Variants in CCNY observed in about 807,000 individuals in gnomAD.
CCNY encodes cyclin Y, also known as cyclin-Y.
CCNY carries 19 observed loss-of-function variants against 42.8 expected under a neutral mutation model. The ratio of observed to expected loss-of-function variants is 0.44; its 90% CI spans 0.31 to 0.65. The LOEUF is 0.65. Among genes scored for constraint, CCNY ranks in the 30% least tolerant of loss-of-function variants. The pLI, the probability that CCNY is intolerant of heterozygous loss-of-function variation, is 0.07. For missense variants in CCNY, 370 were observed against 437.3 expected, an observed-to-expected ratio of 0.85 and a Z score of 1.37; for synonymous variants, 165 against 162.7, an observed-to-expected ratio of 1.01 and a Z score of -0.11.
chr10:35,475,396 G>A (rs1440042545), intron 1 of CCNY, among the ~76,000 whole-genome samples: 8 of 151,914 alleles, frequency 5.3e-5, no homozygotes, highest in Admixed American at 2.0e-4. Flanking sequence ...GAGAAAGGTC[G>A]GGTTACCCTC....
chr10:35,309,185 G>A (rs1835651764), intron 3 of CCNY, among the ~76,000 whole-genome samples: 1 of 152,182 alleles, frequency 6.6e-6, no homozygotes, highest in Non-Finnish European at 1.5e-5. Flanking sequence ...AGGAAAAGTG[G>A]CCACAAAGGG....
At chr10:35,550,147 A>G (rs1373669733) in intron 7 of CCNY, among the ~76,000 whole-genome samples, 14 of 54,316 alleles carry the variant, frequency 2.6e-4, no homozygotes, top group East Asian at 6.7e-4. Flanking sequence ...GCTGCTCATG[A>G]CACATGACCC....
chr10:35,343,224 T>C (rs1342114768), intron 1 of CCNY, among the ~76,000 whole-genome samples: 1 of 151,178 alleles, frequency 6.6e-6, no homozygotes, highest in Non-Finnish European at 1.5e-5. Flanking sequence ...GGCTGGTCCA[T>C]ATGATCCACC....
intron 1 of CCNY, among the ~76,000 whole-genome samples, chr10:35,412,898 C>T (rs1311708817): frequency 3.6e-5 from 5 of 138,598 alleles, no homozygotes; most frequent in East Asian, 2.1e-4. Context: ...AGAATTTGCG[C>T]GGCGGGCAAG....
At chr10:35,558,179 G>T (rs1281800588) in intron 8 of CCNY, among the ~76,000 whole-genome samples, 2 of 152,176 alleles carry the variant, frequency 1.3e-5, no homozygotes, top group African/African-American at 4.8e-5. Context: ...CACATGTTGG[G>T]ATATAGTCCC....
At chr10:35,331,873 A>G (rs1344462387), upstream of CCNY, among the ~76,000 whole-genome samples, 1 of 152,208 alleles carries the variant, frequency 6.6e-6, no homozygotes, top group African/African-American at 2.4e-5. Context: ...CAGTGGCTGT[A>G]ATCACTCTCA....
intron 3 of CCNY, among the ~76,000 whole-genome samples, chr10:35,272,123 ATT>A (rs1835178097): frequency 6.6e-6 from 1 of 152,044 alleles, no homozygotes; most frequent in Admixed American, 6.6e-5. Flanking sequence ...AGTAGCTGGG[ATT>A]ACAGGCATGC....
intron 1 of CCNY, among the ~76,000 whole-genome samples, chr10:35,481,324 A>G (rs1310597403): frequency 6.6e-6 from 1 of 152,196 alleles, no homozygotes; most frequent in Non-Finnish European, 1.5e-5. Context: ...ACATAACAGC[A>G]TAGAACCCCA....
At chr10:35,406,150 G>C (rs1837755601) in intron 1 of CCNY, among the ~76,000 whole-genome samples, 1 of 150,222 alleles carries the variant, frequency 6.7e-6, no homozygotes, top group East Asian at 1.9e-4. Context: ...TGTGGGGTTT[G>C]AGGGCCAGAG....
intron 1 of CCNY, among the ~76,000 whole-genome samples, chr10:35,427,905 T>C (rs3003982): frequency 0.075 from 11,454 of 152,192 alleles, 744 homozygotes; most frequent in African/African-American, 0.18. Context: ...CTGGGCCTGG[T>C]GGTGGCTCTT....
intron 1 of CCNY, among the ~76,000 whole-genome samples, chr10:35,435,621 C>G (rs933625656): frequency 6.6e-6 from 1 of 152,160 alleles, no homozygotes. Context: ...GTCAAGCTGC[C>G]GTTACAGCTC....
intron 1 of CCNY, among the ~76,000 whole-genome samples, chr10:35,348,470 GCA>G (rs1334469180): frequency 6.6e-6 from 1 of 152,212 alleles, no homozygotes; most frequent in African/African-American, 2.4e-5. Context: ...TGCTCTGCAG[GCA>G]CACTTGGCTG....
chr10:35,469,206 G>A (rs1465602596), intron 1 of CCNY, among the ~76,000 whole-genome samples: 1 of 152,144 alleles, frequency 6.6e-6, no homozygotes, highest in Non-Finnish European at 1.5e-5. Flanking sequence ...CTTTGATTCG[G>A]GCCTTAGGCC....
chr10:35,450,964 A>G (rs1035448061), intron 1 of CCNY, among the ~76,000 whole-genome samples: 3 of 152,128 alleles, frequency 2.0e-5, no homozygotes, highest in African/African-American at 7.2e-5. Context: ...TTTTAGAATT[A>G]AACTCTATTT....
intron 4 of CCNY, among the ~76,000 whole-genome samples, chr10:35,524,358 G>A (rs1840606932): frequency 1.3e-5 from 2 of 152,236 alleles, no homozygotes; most frequent in African/African-American, 4.8e-5. Flanking sequence ...ATTTGCTCAT[G>A]AGTACTTTCA....
At chr10:35,277,160 ACTTGAC>A (rs1835249084) in intron 3 of CCNY, among the ~76,000 whole-genome samples, 1 of 152,266 alleles carries the variant, frequency 6.6e-6, no homozygotes, top group Non-Finnish European at 1.5e-5. Flanking sequence ...GCTGGGACTT[ACTTGAC>A]CTGTTACTGG....
At chr10:35,455,928 C>T (rs942090316) in intron 1 of CCNY, among the ~76,000 whole-genome samples, 4 of 151,462 alleles carry the variant, frequency 2.6e-5, no homozygotes, top group Non-Finnish European at 5.9e-5. Flanking sequence ...AAGCAGTCCT[C>T]CCACCTTAGC....
chr10:35,351,353 T>A (rs919114402), intron 1 of CCNY, among the ~76,000 whole-genome samples: 2 of 152,238 alleles, frequency 1.3e-5, no homozygotes, highest in East Asian at 1.9e-4. Context: ...TTGATTACTT[T>A]CTCTGTATTC....
chr10:35,443,026 A>T (rs1161557484), intron 1 of CCNY, among the ~76,000 whole-genome samples: 1 of 152,234 alleles, frequency 6.6e-6, no homozygotes, highest in African/African-American at 2.4e-5. Flanking sequence ...ATATCTAAAC[A>T]TCCCTAAACA....
Sources: allele counts gnomAD v4.1 joint callset (sites outside exome capture counted in the v4.1 genomes callset), GRCh38; gene constraint gnomAD v4.1.1; transcripts MANE v1.5; gene names NCBI Gene and HGNC (gene_info 2026-07-23, HGNC 2026-07-21).